SRP9: variants seen among roughly 807,000 people sequenced by gnomAD.
SRP9 encodes signal recognition particle 9.
A neutral mutation model predicts 11.7 loss-of-function variants in SRP9; 2 were observed. That is an observed-to-expected ratio of 0.17 (90% CI 0.07 to 0.54). The LOEUF (loss-of-function observed/expected upper bound fraction) is 0.54, where lower values mean the gene tolerates loss of function less well. Ranked by LOEUF, SRP9 falls within the 20% of genes least tolerant of loss-of-function variation. The pLI is 0.94. For missense variants in SRP9, 54 were observed against 108.1 expected (o/e 0.50, Z 2.22); for synonymous variants, 27 against 35.6 (o/e 0.76, Z 0.86).
Position 225,778,153 on chromosome 1 carries a change from C to G in SRP9, c.72+141C>G. 5.3e-6 allele frequency: 5 copies of G among 941,714 alleles called. 1 individual carries two copies. The South Asian group carries it at 8.3e-5, about 16-fold the overall frequency. 58.3% of individuals were successfully genotyped at this position (941,714 alleles called of 1,614,324 possible). ...TGGACCCTGCCAAGTTAATGTTCTG[C>G]TCTCTCGTCCCCTTCTTCCCTGATC... On this transcript the variant is annotated intron_variant, in intron 1 of 2. Transcript: ENST00000304786.
chr1:225,780,587 A>G (rs1665776082), intron 1 of SRP9, among the ~76,000 whole-genome samples: 1 of 152,238 alleles, frequency 6.6e-6, no homozygotes, highest in Non-Finnish European at 1.5e-5. Context: ...ATCAAAGTAT[A>G]TAAATGAATG....
At chr1:225,780,128 C>T (rs1665763699) in intron 1 of SRP9, among the ~76,000 whole-genome samples, 1 of 151,682 alleles carries the variant, frequency 6.6e-6, no homozygotes, top group Non-Finnish European at 1.5e-5. Context: ...ATCCTCCCAC[C>T]TCAGCCTCCT....
intron 1 of SRP9, among the ~76,000 whole-genome samples, chr1:225,780,696 G>T (rs991161972): frequency 6.6e-6 from 1 of 152,074 alleles, no homozygotes; most frequent in Non-Finnish European, 1.5e-5. Flanking sequence ...TTTCTGCTAG[G>T]GCTAAAGAAC....
In SRP9 at chr1:225,789,920, C is replaced by A. The variant is rs1425551096; in HGVS notation, c.*561C>A. 1 of 152,270 alleles carries A rather than the reference C, an allele frequency of 6.6e-6. No individual in the cohort carries two copies. The highest frequency in any genetic ancestry group is 1.9e-4 in the East Asian group (1 of 5,196). The allele number at this position is 152,270 out of a possible 1,614,324, so 9.4% of individuals were successfully genotyped here. On this transcript the variant is annotated 3_prime_UTR_variant, in exon 3 of 3. Coordinates refer to ENST00000304786, the MANE Select transcript of SRP9 (RefSeq NM_003133.6). ...AAAGTAATTGTGACTAACAAGTATG[C>A]TTTGCCTTATTTCCACATTTAAACT...
In SRP9 at chr1:225,790,311, T is replaced by A. The variant is rs1559007470; in HGVS notation, c.*952T>A. ...TGTATTTCACCACCTAAATGTAATG[T>A]TGATTCCTCAAGAATGAAATGAAGG... On this transcript the variant is annotated 3_prime_UTR_variant, in exon 3 of 3. Coordinates refer to ENST00000304786, the MANE Select transcript of SRP9 (RefSeq NM_003133.6). 1 of 152,376 alleles carries A rather than the reference T, an allele frequency of 6.6e-6. No individual in the cohort carries two copies. Among genetic ancestry groups the A allele is most frequent in the Middle Eastern group, 3.4e-3 (1 of 294 alleles). 9.4% of individuals were successfully genotyped at this position (152,376 alleles called of 1,614,324 possible).
intron 2 of SRP9, among the ~76,000 whole-genome samples, chr1:225,785,233 A>G (rs56117590): frequency 1.3e-3 from 183 of 141,574 alleles, no homozygotes; most frequent in African/African-American, 4.5e-3. Flanking sequence ...ACCACGCCCA[A>G]CTAATTTTTT....
chr1:225,778,088 T>G, intron 1 of SRP9, 76 bp downstream of exon 1: 3 of 1,527,566 alleles, frequency 2.0e-6, no homozygotes, highest in Non-Finnish European at 2.7e-6. Context: ...CCCCTGGAGC[T>G]TCCCCAGCGC....
chr1:225,777,833 T>C lies in SRP9; in HGVS notation c.-108T>C, dbSNP rs1278357158. The C allele has an allele frequency of 2.7e-6, 3 of 1,104,588 alleles. No individual in the cohort carries two copies. Among genetic ancestry groups the C allele is most frequent in the South Asian group, 1.4e-5 (1 of 72,794 alleles). The allele number at this position is 1,104,588 out of a possible 1,614,324, so 68.4% of individuals were successfully genotyped here. On this transcript the variant is annotated 5_prime_UTR_variant, in exon 1 of 3. Coordinates refer to ENST00000304786, the MANE Select transcript of SRP9 (RefSeq NM_003133.6). ...GCGTTGGTGCGAGGAGGCGCCGCCA[T>C]CTTGGGGCTGCTGGGACTCGCGTCG...
intron 2 of SRP9, chr1:225,786,932 T>A: frequency 2.7e-6 from 2 of 754,582 alleles, no homozygotes; most frequent in Non-Finnish European, 2.0e-6. Context: ...ATCCTCGACC[T>A]CCTGGGCTCA....
chr1:225,787,262 C>T (rs540986984), intron 2 of SRP9, among the ~76,000 whole-genome samples: 27 of 152,172 alleles, frequency 1.8e-4, no homozygotes, highest in Admixed American at 1.4e-3. Flanking sequence ...AGGCCGGGCG[C>T]GGTGGCTCGT....
intron 2 of SRP9, among the ~76,000 whole-genome samples, chr1:225,787,662 T>C (rs541277036): frequency 6.6e-6 from 1 of 152,364 alleles, no homozygotes; most frequent in East Asian, 1.9e-4. Flanking sequence ...CTTCGACTTT[T>C]TTATAATCCC....
intron 1 of SRP9, among the ~76,000 whole-genome samples, chr1:225,782,694 T>A (rs937755958): frequency 1.3e-5 from 2 of 152,238 alleles, no homozygotes; most frequent in African/African-American, 4.8e-5. Flanking sequence ...GGAGTTATTC[T>A]GGTTTTTGGA....
At chr1:225,782,739 G>C (rs1306566299) in intron 1 of SRP9, among the ~76,000 whole-genome samples, 1 of 152,200 alleles carries the variant, frequency 6.6e-6, no homozygotes, top group African/African-American at 2.4e-5. Flanking sequence ...GCAGAATTCT[G>C]CTTTTATGTA....
At chr1:225,786,210 T>A (rs1281813888) in intron 2 of SRP9, among the ~76,000 whole-genome samples, 1 of 152,250 alleles carries the variant, frequency 6.6e-6, no homozygotes, top group Non-Finnish European at 1.5e-5. Flanking sequence ...CTGCTTATCT[T>A]TCAAAACCCA....
At chr1:225,782,453 C>G (rs950812771) in intron 1 of SRP9, among the ~76,000 whole-genome samples, 1 of 152,090 alleles carries the variant, frequency 6.6e-6, no homozygotes, top group East Asian at 1.9e-4. Context: ...CGTGAGCCAC[C>G]GCGCCTGGCC....
intron 1 of SRP9, 94 bp from the exon 2 acceptor site, chr1:225,783,206 C>G (rs770869550): frequency 3.9e-5 from 36 of 919,072 alleles, no homozygotes; most frequent in Non-Finnish European, 5.7e-5. Context: ...GGTATTTATT[C>G]TAAAAGGATC....
chr1:225,784,045 C>A (rs1349635799), intron 2 of SRP9, among the ~76,000 whole-genome samples: 1 of 150,922 alleles, frequency 6.6e-6, no homozygotes, highest in Non-Finnish European at 1.5e-5. Context: ...CTCTAGGATT[C>A]TGTCCTTGAT....
chr1:225,782,189 G>T (rs75526674), intron 1 of SRP9, among the ~76,000 whole-genome samples: 1 of 151,556 alleles, frequency 6.6e-6, no homozygotes, highest in African/African-American at 2.4e-5. Flanking sequence ...TTTTGAAATG[G>T]AGTCTCGCTC....
chr1:225,788,915 C>G, intron 2 of SRP9: 3 of 1,320,816 alleles, frequency 2.3e-6, no homozygotes, highest in Non-Finnish European at 3.1e-6. Flanking sequence ...ATACCTAATT[C>G]GAAGGAAGAA....
Sources: gnomAD v4.1 joint callset for allele counts (sites outside exome capture counted in the v4.1 genomes callset) on GRCh38, gnomAD v4.1.1 for gene constraint, MANE v1.5 for transcripts, NCBI Gene and HGNC (gene_info 2026-07-23, HGNC 2026-07-21) for gene names.